LRRTM4: variants seen among roughly 807,000 people sequenced by gnomAD.
LRRTM4 encodes the protein leucine-rich repeat transmembrane neuronal protein 4.
In LRRTM4, 25 loss-of-function variants were observed where a neutral mutation model predicts 47.6. The ratio of observed to expected loss-of-function variants is 0.53; its 90% CI spans 0.38 to 0.73. The LOEUF (loss-of-function observed/expected upper bound fraction) is 0.73. LRRTM4 is among the 30% of genes least tolerant of loss of function. The pLI, the probability that LRRTM4 is intolerant of heterozygous loss-of-function variation, is 0.00. For synonymous variants in LRRTM4, 311 were observed against 269.5 expected (o/e 1.15, Z -1.51); for missense variants, 638 against 713.4 (o/e 0.89, Z 1.20).
At chr2:77,250,395 T>C (rs1675570682) in intron 3 of LRRTM4, among the ~76,000 whole-genome samples, 1 of 152,144 alleles carries the variant, frequency 6.6e-6, no homozygotes, top group Admixed American at 6.6e-5. Flanking sequence ...AAGGGGAACA[T>C]ATGCATAGAT....
chr2:77,191,764 T>C (rs912153313), intron 3 of LRRTM4, among the ~76,000 whole-genome samples: 1 of 152,070 alleles, frequency 6.6e-6, no homozygotes, highest in Non-Finnish European at 1.5e-5. Context: ...GACAAGATTT[T>C]TTGTTTTTAA....
chr2:77,394,449 G>C (rs932151297), intron 3 of LRRTM4, among the ~76,000 whole-genome samples: 1 of 151,800 alleles, frequency 6.6e-6, no homozygotes, highest in African/African-American at 2.4e-5. Context: ...AAAATCATGA[G>C]AGCTATAAAT....
intron 3 of LRRTM4, among the ~76,000 whole-genome samples, chr2:77,314,856 G>A (rs371403469): frequency 6.6e-6 from 1 of 152,270 alleles, no homozygotes; most frequent in South Asian, 2.1e-4. Flanking sequence ...ACTCTCTAGT[G>A]ATGCTGGACC....
chr2:76,827,632 T>C (rs1403334272), intron 3 of LRRTM4, among the ~76,000 whole-genome samples: 2 of 151,884 alleles, frequency 1.3e-5, no homozygotes, highest in African/African-American at 4.8e-5. Context: ...TTCAGGTTCA[T>C]GTAGTAAAGA....
chr2:76,946,561 C>G (rs967315532), intron 3 of LRRTM4, among the ~76,000 whole-genome samples: 2 of 151,652 alleles, frequency 1.3e-5, no homozygotes, highest in African/African-American at 2.4e-5. Flanking sequence ...GTGGCAAATA[C>G]AGAGTTAAAG....
At chr2:77,486,817 G>A (rs2104032069) in intron 3 of LRRTM4, among the ~76,000 whole-genome samples, 1 of 152,238 alleles carries the variant, frequency 6.6e-6, no homozygotes, top group Non-Finnish European at 1.5e-5. Flanking sequence ...TGTACGTAAG[G>A]ATGATATTCC....
At chr2:77,289,344 T>A (rs1042439213) in intron 3 of LRRTM4, among the ~76,000 whole-genome samples, 8 of 152,050 alleles carry the variant, frequency 5.3e-5, no homozygotes, top group African/African-American at 1.9e-4. Context: ...TTTCTAAATC[T>A]GAGAGTACAG....
chr2:77,514,524 A>G (rs1361934375), intron 3 of LRRTM4, among the ~76,000 whole-genome samples: 1 of 152,100 alleles, frequency 6.6e-6, no homozygotes, highest in East Asian at 1.9e-4. Flanking sequence ...TCAATTTTGA[A>G]GAAAGTAATG....
intron 3 of LRRTM4, among the ~76,000 whole-genome samples, chr2:76,821,283 C>T (rs1327286828): frequency 3.3e-5 from 5 of 151,538 alleles, no homozygotes; most frequent in African/African-American, 1.2e-4. Context: ...CTAGCTTCAA[C>T]AACTTGAGAA....
At chr2:77,077,568 G>T (rs1430124644) in intron 3 of LRRTM4, among the ~76,000 whole-genome samples, 3 of 152,098 alleles carry the variant, frequency 2.0e-5, no homozygotes. Flanking sequence ...AGCTGTAGAA[G>T]ATTTTTCTTA....
At chr2:76,892,498 A>C (rs2103717134) in intron 3 of LRRTM4, among the ~76,000 whole-genome samples, 1 of 151,890 alleles carries the variant, frequency 6.6e-6, no homozygotes, top group African/African-American at 2.4e-5. Context: ...CATAAGGCAT[A>C]GTTTCTCCTA....
chr2:77,108,578 C>CTTTTTTTTTTTTTTTTTTTTTTTT (rs200805423), intron 3 of LRRTM4, among the ~76,000 whole-genome samples: 1 of 142,948 alleles, frequency 7.0e-6, no homozygotes, highest in African/African-American at 2.6e-5. Context: ...CACAAACATT[C>CTTTTTTTTTTTTTTTTTTTTTTTT]TTTTTTTTTT....
chr2:76,996,533 TTAA>T (rs1677209343), intron 3 of LRRTM4, among the ~76,000 whole-genome samples: 1 of 142,766 alleles, frequency 7.0e-6, no homozygotes, highest in South Asian at 2.2e-4. Context: ...AAAATTTTGC[TTAA>T]TATTAGTAAA....
At chr2:76,819,300 A>T (rs1276337806) in intron 3 of LRRTM4, among the ~76,000 whole-genome samples, 1 of 151,856 alleles carries the variant, frequency 6.6e-6, no homozygotes, top group Non-Finnish European at 1.5e-5. Context: ...AGATGAGGAA[A>T]CTGAATCATG....
chr2:76,765,902 T>C (rs1673436168), intron 3 of LRRTM4, among the ~76,000 whole-genome samples: 1 of 152,200 alleles, frequency 6.6e-6, no homozygotes, highest in Non-Finnish European at 1.5e-5. Context: ...AAGCATTTTG[T>C]GAGAAAGTAT....
chr2:76,840,187 T>C (rs1231073165), intron 3 of LRRTM4, among the ~76,000 whole-genome samples: 1 of 152,192 alleles, frequency 6.6e-6, no homozygotes, highest in Non-Finnish European at 1.5e-5. Flanking sequence ...TTTAAATTTA[T>C]TTTAGTGAAA....
chr2:77,021,155 T>C (rs1359802385), intron 3 of LRRTM4, among the ~76,000 whole-genome samples: 1 of 152,064 alleles, frequency 6.6e-6, no homozygotes, highest in Non-Finnish European at 1.5e-5. Context: ...TATTGCCTTA[T>C]CTATATGTAT....
intron 3 of LRRTM4, among the ~76,000 whole-genome samples, chr2:77,417,080 A>G (rs1674663512): frequency 6.7e-6 from 1 of 148,680 alleles, no homozygotes; most frequent in South Asian, 2.1e-4. Context: ...AAAAGTGGGC[A>G]AAGGATATGA....
chr2:77,136,733 G>T (rs913527757), intron 3 of LRRTM4, among the ~76,000 whole-genome samples: 1 of 149,796 alleles, frequency 6.7e-6, no homozygotes, highest in African/African-American at 2.5e-5. Flanking sequence ...CTTGAAAAAA[G>T]ATTAGATGAA....
Sources: allele counts gnomAD v4.1 joint callset (sites outside exome capture counted in the v4.1 genomes callset), GRCh38; gene constraint gnomAD v4.1.1; transcripts MANE v1.5; gene names NCBI Gene and HGNC (gene_info 2026-07-23, HGNC 2026-07-21).